Variants in SEMA6B observed in about 807,000 individuals in gnomAD.
SEMA6B encodes the protein semaphorin 6B.
In SEMA6B, 47 loss-of-function variants were observed where a neutral mutation model predicts 78.6. That is an observed-to-expected ratio of 0.60 (90% CI 0.47 to 0.76). The LOEUF is 0.76. SEMA6B is among the 30% of genes least tolerant of loss of function. The probability of loss-of-function intolerance (pLI) is 0.00; values close to 1 mark genes in which losing one functional copy is unlikely to be tolerated. For synonymous variants in SEMA6B, 632 were observed against 592.2 expected (o/e 1.07, Z -0.98); for missense variants, 1,213 against 1,269.9 (o/e 0.96, Z 0.68).
Position 4,550,226 on chromosome 19 carries a change from C to T in SEMA6B, c.1168G>A (p.Ala390Thr), listed in dbSNP as rs146077209. Residue 390 changes from alanine to threonine, a missense_variant, in exon 12 of 17, where the codon GCC (alanine) becomes ACC (threonine). Transcript: ENST00000586582. The surrounding 1 kb of genome is among the most constrained non-coding windows in gnomAD (Gnocchi z 6.6). The part of the protein sequence containing the change: ...APGMQYNASS[A>T]LPDDILNFVK... ...AAGTTGAGGATGTCATCCGGCAAGG[C>T]GCTGGAGGCATTGTACTGCATCCCG... 168 of 1,606,552 alleles carry T rather than the reference C, an allele frequency of 1.0e-4. 1 individual carries two copies. The highest frequency in any genetic ancestry group is 2.9e-4 in the East Asian group (13 of 44,372).
chr19:4,555,153 G>A lies in SEMA6B; in HGVS notation c.563-58C>T, dbSNP rs1227803452. 1.3e-5 allele frequency: 20 copies of A among 1,593,084 alleles called. No homozygotes were observed. Among genetic ancestry groups the A allele is most frequent in the Non-Finnish European group, 1.5e-5 (17 of 1,166,608 alleles). ...GATGAGACCGCAGAGGCCAGGGGCT[G>A]GGTGGGTCGAAACTCGATTTTCTGA... On this transcript the variant is annotated intron_variant, in intron 7 of 16. Coordinates refer to ENST00000586582, the MANE Select transcript of SEMA6B (RefSeq NM_032108.4). The surrounding 1 kb of genome is among the most constrained non-coding windows in gnomAD (Gnocchi z 6.1).
chr19:4,554,651 C>T (rs1042890280), intron 8 of SEMA6B, among the ~76,000 whole-genome samples, 175 bp from the exon 9 acceptor site: 6 of 152,188 alleles, frequency 3.9e-5, no homozygotes, highest in African/African-American at 7.2e-5. Context: ...AGCCTAAAAT[C>T]GCTGTGTCTC....
intron 12 of SEMA6B, among the ~76,000 whole-genome samples, chr19:4,549,646 T>C (rs1977268361): frequency 6.6e-6 from 1 of 151,730 alleles, no homozygotes; most frequent in African/African-American, 2.4e-5. Flanking sequence ...GCCCAGCTAA[T>C]TTTTTGTATT....
rs1977541283 is a variant in SEMA6B at position 4,558,652 on chromosome 19, T to C, written c.-32-163A>G. Among the ~76,000 whole-genome samples, 1 of 152,172 alleles carries C rather than the reference T, an allele frequency of 6.6e-6. No individual in the cohort carries two copies. The highest frequency in any genetic ancestry group is 1.5e-5 in the Non-Finnish European group (1 of 68,036). On this transcript the variant is annotated intron_variant, in intron 1 of 16. Coordinates refer to ENST00000586582, the MANE Select transcript of SEMA6B (RefSeq NM_032108.4). This position sits in a 1 kb window ranked among gnomAD's most constrained non-coding sequence, Gnocchi z 5.1. The stretch of plus-strand genomic sequence containing the variant: ...CAATAATAATAATAATACACAGCAC[T>C]GATTTAATTATCAGAACAACTTTAT...
Position 4,554,956 on chromosome 19 carries a change from A to G in SEMA6B, c.682+20T>C. 6.2e-7 allele frequency: 1 copy of G among 1,611,816 alleles called. No individual in the cohort carries two copies. The highest frequency in any genetic ancestry group is 8.5e-7 in the Non-Finnish European group (1 of 1,178,440). On this transcript the variant is annotated intron_variant, in intron 8 of 16. Coordinates refer to ENST00000586582, the MANE Select transcript of SEMA6B (RefSeq NM_032108.4). ...TCTGGGCCCTGCCAGGTCTGGGCCC[A>G]CTGCCCTTCCTGGTCTCACCTTTGA...
Position 4,558,134 on chromosome 19 carries a change from G to A in SEMA6B, c.137C>T (p.Pro46Leu). The change falls in exon 3 of 17, where the codon CCC becomes CTC. Residue 46 changes from proline (P) to leucine (L), a missense_variant. Physicochemically the swap from Pro to Leu is moderately conservative, Grantham distance 98 (BLOSUM62 -3). Transcript: ENST00000586582. This position sits in a 1 kb window ranked among gnomAD's most constrained non-coding sequence, Gnocchi z 5.1. ...TCCGGGCCCGCTGCCCACAAACACG[G>A]GATAGTGGTTCAGGTCTGAGTGAGG... ...VAPRDYLNHY[P>L]VFVGSGPGRL... 2.0e-6 allele frequency: 3 copies of A among 1,504,758 alleles called. No homozygotes were observed. The highest frequency in any genetic ancestry group is 2.7e-6 in the Non-Finnish European group (3 of 1,118,048). The allele number at this position is 1,504,758 out of a possible 1,614,324, so 93.2% of individuals were successfully genotyped here.
In SEMA6B at chr19:4,544,643, A is replaced by T. The variant is rs905539310; in HGVS notation, c.1739-114T>A. On this transcript the variant is annotated intron_variant, in intron 16 of 16. Coordinates refer to ENST00000586582, the MANE Select transcript of SEMA6B (RefSeq NM_032108.4). The surrounding 1 kb of genome is among the most constrained non-coding windows in gnomAD (Gnocchi z 5.1). ...TTATTATTTTTATTTTTTTTTATTT[A>T]TTTATTTTTTGAGAAGGAGTCTTCC... The T allele has an allele frequency of 8.7e-6, 5 of 573,690 alleles. No homozygotes were observed. The highest frequency in any genetic ancestry group is 1.5e-4 in the South Asian group (2 of 13,110). 35.5% of individuals were successfully genotyped at this position (573,690 alleles called of 1,614,324 possible). A position where few individuals can be genotyped will look rare whatever the true frequency, so the allele number is the denominator to read the frequency against.
Position 4,546,270 on chromosome 19 carries a change from C to A in SEMA6B, c.1684G>T (p.Ala562Ser). ...GCCCCGGACACGTCCTGCTCAAAGG[C>A]GGCTCTAATGGGGAGAGGAGGCACC... The part of the protein sequence containing the change: ...CIFLSPGTRA[A>S]FEQDVSGAST... Residue 562 changes from alanine to serine, a missense_variant, in exon 16 of 17, where the codon GCC becomes TCC. Transcript: ENST00000586582. 1 of 1,613,528 alleles carries A rather than the reference C, an allele frequency of 6.2e-7. No homozygotes were observed.
intron 8 of SEMA6B, among the ~76,000 whole-genome samples, 175 bp downstream of exon 8, chr19:4,554,801 C>G (rs746977375): frequency 9.9e-5 from 15 of 152,208 alleles, no homozygotes; most frequent in Non-Finnish European, 2.2e-4. Flanking sequence ...ACTTTAGATC[C>G]AACTAAACTT....
intron 13 of SEMA6B, 43 bp downstream of exon 13, chr19:4,548,220 C>T (rs1781093685): frequency 2.5e-6 from 4 of 1,590,724 alleles, no homozygotes; most frequent in Non-Finnish European, 3.4e-6. Flanking sequence ...CAGCCCATCT[C>T]CCCTCCTGCT....
chr19:4,543,631 C>G lies in SEMA6B; in HGVS notation c.2637G>C (p.Gly879=). Residue 879 remains glycine, a synonymous_variant, in exon 17 of 17, where the codon GGG becomes GGC. Transcript: ENST00000586582. ...TDLAHLLPYG[G]ADRTAPPVP ...GCACGGGGGGCGCAGTCCTGTCCGC[C>G]CCCCCATAGGGGAGGAGGTGGGCCA... 8.1e-7 allele frequency: 1 copy of G among 1,233,026 alleles called. No homozygotes were observed. Among genetic ancestry groups the G allele is most frequent in the Non-Finnish European group, 1.0e-6 (1 of 988,330 alleles). 76.4% of individuals were successfully genotyped at this position (1,233,026 alleles called of 1,614,324 possible).
Position 4,552,377 on chromosome 19 carries a change from T to C in SEMA6B, c.989+45A>G. ...AGTGAATACAGGCCCTCTCTACCCA[T>C]GCCCACCAAATGCTCCCAGTTTGCT... is the stretch of plus-strand genomic sequence containing the variant. On this transcript the variant is annotated intron_variant, in intron 10 of 16. Transcript: ENST00000586582. This position sits in a 1 kb window ranked among gnomAD's most constrained non-coding sequence, Gnocchi z 7.4. 6.6e-7 allele frequency: 1 copy of C among 1,526,156 alleles called. No individual in the cohort carries two copies. Among genetic ancestry groups the C allele is most frequent in the Non-Finnish European group, 8.9e-7 (1 of 1,127,768 alleles). 94.5% of individuals were successfully genotyped at this position (1,526,156 alleles called of 1,614,324 possible).
chr19:4,555,595 TCTC>T lies in SEMA6B; in HGVS notation c.472-34_472-32del. ...GGGACCATGGGGCCTGAGTGACAGA[TCTC>T]CTGACCCCACCTAGCAGCCCCTGGC... On this transcript the variant is annotated intron_variant, in intron 6 of 16. Coordinates refer to ENST00000586582, the MANE Select transcript of SEMA6B (RefSeq NM_032108.4). The surrounding 1 kb of genome is among the most constrained non-coding windows in gnomAD (Gnocchi z 6.1). 1.9e-6 allele frequency: 3 copies of T among 1,576,584 alleles called. No individual in the cohort carries two copies. The African/African-American group carries it at 4.0e-5, about 21-fold the overall frequency.
In SEMA6B at chr19:4,548,159, C is replaced by A; in HGVS notation, c.1469G>T (p.Gly490Val). The change falls in exon 14 of 17, where the codon GGC becomes GTC. Residue 490 changes from glycine (G) to valine (V), a missense_variant. Physicochemically the swap from Gly to Val is moderately radical, Grantham distance 109. Transcript: ENST00000586582. ...CAGCCGCTGCCCTGTCTCGCCACCG[C>A]CGGGCCGTCCACACCTGGGGACAAG... ...TYRPDRCGRP[G>V]GGETGQRLLS... 1 of 1,591,724 alleles carries A rather than the reference C, an allele frequency of 6.3e-7. No individual in the cohort carries two copies.
At position 4,544,099 on chromosome 19, in the gene SEMA6B, C is replaced by A; in HGVS notation, c.2169G>T (p.Pro723=). ...TPLPQKRLPT[P]HPHPHALGPR... ...GGCCCAGGGCGTGGGGGTGCGGGTG[C>A]GGAGTGGGCAGGCGCTTCTGCGGCA... Residue 723 remains proline, a synonymous_variant, in exon 17 of 17, where the codon CCG becomes CCT. Transcript: ENST00000586582. The surrounding 1 kb of genome is among the most constrained non-coding windows in gnomAD (Gnocchi z 5.1). 1 of 1,263,176 alleles carries A rather than the reference C, an allele frequency of 7.9e-7. No homozygotes were observed. The highest frequency in any genetic ancestry group is 2.7e-5 in the South Asian group (1 of 36,932). 78.2% of individuals were successfully genotyped at this position (1,263,176 alleles called of 1,614,324 possible).
chr19:4,553,803 G>A (rs190778325), intron 9 of SEMA6B, among the ~76,000 whole-genome samples: 145 of 146,392 alleles, frequency 9.9e-4, no homozygotes, highest in African/African-American at 3.6e-3. Flanking sequence ...ATGGATGGAT[G>A]GATGAATGGA....
At position 4,550,662 on chromosome 19, in the gene SEMA6B, C is replaced by A. The variant is rs769905360; in HGVS notation, c.1121+137G>T. 1.3e-5 allele frequency: 14 copies of A among 1,086,292 alleles called. No homozygotes were observed. The highest frequency in any genetic ancestry group is 1.3e-6 in the Non-Finnish European group (1 of 759,356). 67.3% of individuals were successfully genotyped at this position (1,086,292 alleles called of 1,614,324 possible). On this transcript the variant is annotated intron_variant, in intron 11 of 16. Coordinates refer to ENST00000586582, the MANE Select transcript of SEMA6B (RefSeq NM_032108.4). The surrounding 1 kb of genome is among the most constrained non-coding windows in gnomAD (Gnocchi z 6.6). ...TACAGGCGTGAGCCACCACACCAGG[C>A]CTCAGTTTTTCCCAACTGTATAACG...
In SEMA6B at chr19:4,544,135, C is replaced by T; in HGVS notation, c.2133G>A (p.Glu711=). 1 of 1,276,414 alleles carries T rather than the reference C, an allele frequency of 7.8e-7. No individual in the cohort carries two copies. The highest frequency in any genetic ancestry group is 9.9e-7 in the Non-Finnish European group (1 of 1,013,152). The allele number at this position is 1,276,414 out of a possible 1,614,324, so 79.1% of individuals were successfully genotyped here. Residue 711 remains glutamate (E), a synonymous_variant, in exon 17 of 17, where the codon GAG becomes GAA. Transcript: ENST00000586582. This position sits in a 1 kb window ranked among gnomAD's most constrained non-coding sequence, Gnocchi z 5.1. ...DLDSGLLPTP[E]QTPLPQKRLP... is the part of the protein sequence containing the mutation. ...GGCGCTTCTGCGGCAGCGGCGTCTG[C>T]TCGGGCGTGGGCAGCAGCCCCGAGT...
Position 4,550,119 on chromosome 19 carries a change from C to T in SEMA6B, c.1271+4G>A, listed in dbSNP as rs777422044. The stretch of plus-strand genomic sequence containing the variant: ...TCGCCATGCCCTGCCTCTCCAGGAC[C>T]GACCTCATCAGGGTCCGCAGGATCC... On this transcript the variant is annotated splice_donor_region_variant and intron_variant, in intron 12 of 16. Coordinates refer to ENST00000586582, the MANE Select transcript of SEMA6B (RefSeq NM_032108.4). This position sits in a 1 kb window ranked among gnomAD's most constrained non-coding sequence, Gnocchi z 6.6. 47 of 1,613,460 alleles carry T rather than the reference C, an allele frequency of 2.9e-5. No individual in the cohort carries two copies. The highest frequency in any genetic ancestry group is 2.7e-4 in the Admixed American group (16 of 59,990).
Sources: allele counts gnomAD v4.1 joint callset (sites outside exome capture counted in the v4.1 genomes callset), GRCh38; gene constraint gnomAD v4.1.1; non-coding constraint Gnocchi (gnomAD v3.1); transcripts MANE v1.5; gene names NCBI Gene and HGNC (gene_info 2026-07-23, HGNC 2026-07-21).